PKHD1: variants seen among roughly 807,000 people sequenced by gnomAD.
PKHD1 encodes PKHD1 ciliary IPT domain containing fibrocystin/polyductin.
Under a neutral mutation model 412.0 loss-of-function variants are expected in PKHD1, and 291 were observed. The ratio of observed to expected loss-of-function variants is 0.71; its 90% CI spans 0.64 to 0.78. The LOEUF is 0.78. Ranked by LOEUF, PKHD1 falls within the 30% of genes least tolerant of loss-of-function variation. PKHD1 has a pLI of 0.00. For missense variants in PKHD1, 4,825 were observed against 4,950.7 expected (o/e 0.97, Z 0.76); for synonymous variants, 1,777 against 1,821.5 (o/e 0.98, Z 0.62).
chr6:51,733,240 CT>C (rs1181112313), intron 60 of PKHD1, among the ~76,000 whole-genome samples: 1 of 152,042 alleles, frequency 6.6e-6, no homozygotes, highest in Non-Finnish European at 1.5e-5. Context: ...GAACTGTACA[CT>C]TAAAAATGGT....
intron 60 of PKHD1, among the ~76,000 whole-genome samples, chr6:51,672,542 T>C (rs1352725923): frequency 6.6e-6 from 1 of 152,174 alleles, no homozygotes; most frequent in Non-Finnish European, 1.5e-5. Context: ...CACAGAAAAT[T>C]TAGTCTGCCC....
chr6:51,920,889 T>A (rs1240073065), intron 37 of PKHD1, among the ~76,000 whole-genome samples: 2 of 152,174 alleles, frequency 1.3e-5, no homozygotes, highest in Admixed American at 6.5e-5. Flanking sequence ...ATTTCTTCTA[T>A]ATTTTCCATT....
chr6:51,983,880 A>C (rs1284752775), intron 35 of PKHD1, among the ~76,000 whole-genome samples: 2 of 152,216 alleles, frequency 1.3e-5, no homozygotes, highest in East Asian at 3.8e-4. Flanking sequence ...TTTCAAGAGA[A>C]AGTGTTTATA....
In PKHD1 at chr6:52,001,575, G is replaced by A. The variant is rs138988316; in HGVS notation, c.5751+8734C>T. ...CTCCTGGGTAGCTGGGACTACAGGC[G>A]CCCACCACCACACCCGGCTAATTTT... is the stretch of plus-strand genomic sequence containing the variant. On this transcript the variant is annotated intron_variant, in intron 35 of 66. Transcript: ENST00000371117. Among the ~76,000 whole-genome samples the A allele has an allele frequency of 6.3e-3, 957 of 151,758 alleles. 16 individuals carry two copies. The highest frequency in any genetic ancestry group is 0.021 in the African/African-American group (877 of 41,364).
At chr6:51,670,851 T>C (rs1430722511) in intron 60 of PKHD1, among the ~76,000 whole-genome samples, 1 of 151,458 alleles carries the variant, frequency 6.6e-6, no homozygotes, top group African/African-American at 2.4e-5. Context: ...AAAATTCTTT[T>C]CTTTAAGAAT....
intron 60 of PKHD1, among the ~76,000 whole-genome samples, chr6:51,674,349 A>C (rs1357204723): frequency 6.6e-6 from 1 of 152,168 alleles, no homozygotes; most frequent in Non-Finnish European, 1.5e-5. Context: ...GCAAAGAAGA[A>C]GCTTTGACTT....
At chr6:51,798,738 C>G (rs535749043) in intron 52 of PKHD1, among the ~76,000 whole-genome samples, 1 of 152,130 alleles carries the variant, frequency 6.6e-6, no homozygotes, top group Non-Finnish European at 1.5e-5. Context: ...GTTTCATTCT[C>G]CCTGTCTCAA....
In PKHD1 at chr6:51,837,275, C is replaced by T. The variant is rs539550973; in HGVS notation, c.8108-806G>A. Among the ~76,000 whole-genome samples, 96 of 152,314 alleles carry T rather than the reference C, an allele frequency of 6.3e-4. 1 individual carries two copies. Among genetic ancestry groups the T allele is most frequent in the African/African-American group, 1.9e-3 (79 of 41,568 alleles). ...TTGTCACATGAGCCACACCTTCCAC[C>T]ACTGGAGCACCCCTTGTTGCTGAAG... On this transcript the variant is annotated intron_variant, in intron 50 of 66. Transcript: ENST00000371117.
chr6:51,951,327 A>G (rs1790334011), intron 36 of PKHD1, among the ~76,000 whole-genome samples: 1 of 152,088 alleles, frequency 6.6e-6, no homozygotes, highest in African/African-American at 2.4e-5. Context: ...GGAGAAATAG[A>G]AAAGACAAAA....
chr6:51,683,178 G>A (rs574016539), intron 60 of PKHD1, among the ~76,000 whole-genome samples: 1 of 152,108 alleles, frequency 6.6e-6, no homozygotes, highest in East Asian at 1.9e-4. Flanking sequence ...AGGATTTCAG[G>A]TAAATTACTT....
intron 37 of PKHD1, among the ~76,000 whole-genome samples, chr6:51,926,202 T>C (rs1306006140): frequency 6.6e-6 from 1 of 152,118 alleles, no homozygotes; most frequent in Admixed American, 6.5e-5. Context: ...TTCCCTTTCA[T>C]CTGGAGTCAC....
At chr6:51,856,992 C>A (rs564378967) in intron 48 of PKHD1, among the ~76,000 whole-genome samples, 5 of 152,278 alleles carry the variant, frequency 3.3e-5, no homozygotes, top group South Asian at 4.1e-4. Flanking sequence ...AGAAGAACTG[C>A]ATTTTACCAA....
intron 35 of PKHD1, 84 bp from the exon 36 acceptor site, chr6:51,960,110 G>T: frequency 7.5e-7 from 1 of 1,330,544 alleles, no homozygotes; most frequent in Non-Finnish European, 1.1e-6. Context: ...TGGTTTGTTG[G>T]TTTGTTGGTT....
intron 66 of PKHD1, among the ~76,000 whole-genome samples, chr6:51,620,582 T>C (rs1020074291): frequency 6.6e-6 from 1 of 152,074 alleles, no homozygotes; most frequent in African/African-American, 2.4e-5. Context: ...CGCATTTGTA[T>C]GTATTGAAGA....
chr6:51,911,652 T>G, intron 39 of PKHD1, 147 bp downstream of exon 39: 1 of 704,314 alleles, frequency 1.4e-6, no homozygotes, highest in Non-Finnish European at 2.5e-6. Context: ...TCAAGAGCAT[T>G]CTGAAAACTA....
intron 55 of PKHD1, among the ~76,000 whole-genome samples, chr6:51,763,431 T>C: frequency 6.6e-6 from 1 of 152,158 alleles, no homozygotes; most frequent in South Asian, 2.1e-4. Context: ...AAATGAGGTT[T>C]TTAACACATT....
intron 36 of PKHD1, among the ~76,000 whole-genome samples, chr6:51,958,482 T>C (rs566020770): frequency 6.6e-6 from 1 of 152,244 alleles, no homozygotes; most frequent in African/African-American, 2.4e-5. Flanking sequence ...CTCCTTCTGA[T>C]GCCTCTTCTC....
intron 55 of PKHD1, among the ~76,000 whole-genome samples, chr6:51,765,465 C>T (rs1453048765): frequency 6.6e-6 from 1 of 152,132 alleles, no homozygotes; most frequent in Non-Finnish European, 1.5e-5. Flanking sequence ...CTGCCCTCTG[C>T]TCACTCTGCG....
At chr6:51,705,544 G>C (rs550348750) in intron 60 of PKHD1, among the ~76,000 whole-genome samples, 21 of 152,196 alleles carry the variant, frequency 1.4e-4, no homozygotes, top group African/African-American at 4.6e-4. Context: ...CCCTGTATTA[G>C]AGCTACTCCT....
Sources: allele counts gnomAD v4.1 joint callset (sites outside exome capture counted in the v4.1 genomes callset), GRCh38; gene constraint gnomAD v4.1.1; transcripts MANE v1.5; gene names NCBI Gene and HGNC (gene_info 2026-07-23, HGNC 2026-07-21).